The following ASTN2 variants were observed in gnomAD, a reference collection of about 807,000 sequenced individuals.
The protein encoded by ASTN2 is astrotactin 2, also known as astrotactin-2.
In ASTN2, 54 loss-of-function variants were observed where a neutral mutation model predicts 139.8. The ratio of observed to expected loss-of-function variants is 0.39; its 90% CI spans 0.31 to 0.48. ASTN2 has a LOEUF of 0.48. ASTN2 is among the 20% of genes least tolerant of loss of function. ASTN2 has a pLI of 0.95. For missense variants in ASTN2, 1,565 were observed against 1,725.1 expected, an observed-to-expected ratio of 0.91 and a Z score of 1.64; for synonymous variants, 756 against 719.5, an observed-to-expected ratio of 1.05 and a Z score of -0.81.
intron 13 of ASTN2, among the ~76,000 whole-genome samples, chr9:116,739,145 G>A (rs959966783): frequency 2.6e-5 from 4 of 152,150 alleles, no homozygotes; most frequent in South Asian, 2.1e-4. Flanking sequence ...GGGCCCCGGG[G>A]ACTCTGGCAG....
chr9:116,513,314 T>C (rs1002673420), intron 19 of ASTN2, among the ~76,000 whole-genome samples: 1 of 152,224 alleles, frequency 6.6e-6, no homozygotes, highest in African/African-American at 2.4e-5. Flanking sequence ...TATTTAAGAA[T>C]GTTGAATATT....
intron 12 of ASTN2, among the ~76,000 whole-genome samples, chr9:116,815,816 A>AAAAAAAAAAAAAG (rs1831309203): frequency 7.1e-6 from 1 of 140,982 alleles, no homozygotes; most frequent in Admixed American, 6.9e-5. Context: ...AAAAAAAAAA[A>AAAAAAAAAAAAAG]AAAAAAAAAA....
chr9:116,837,385 T>C (rs1469865411), intron 11 of ASTN2, among the ~76,000 whole-genome samples: 1 of 152,070 alleles, frequency 6.6e-6, no homozygotes, highest in Non-Finnish European at 1.5e-5. Flanking sequence ...TGAGCCCAAG[T>C]CTCTGAGCCT....
Position 116,698,113 on chromosome 9 carries a change from G to A in ASTN2, c.2806+27658C>T, listed in dbSNP as rs750797541. On this transcript the variant is annotated intron_variant, in intron 16 of 22. Transcript: ENST00000313400. This position sits in a 1 kb window ranked among gnomAD's most constrained non-coding sequence, Gnocchi z 4.4. ...GGTTTGGTGTTATGTGAGCCCTGCC[G>A]GGAGGCAGACCATCAGCCTCCTGGC... is the stretch of plus-strand genomic sequence containing the variant. 13 of 1,613,980 alleles carry A rather than the reference G, an allele frequency of 8.1e-6. No homozygotes were observed. Among genetic ancestry groups the A allele is most frequent in the South Asian group, 4.4e-5 (4 of 91,084 alleles).
chr9:117,353,704 A>G (rs1169030006), intron 1 of ASTN2, among the ~76,000 whole-genome samples: 2 of 152,108 alleles, frequency 1.3e-5, no homozygotes, highest in Non-Finnish European at 2.9e-5. Flanking sequence ...CATCCATTAC[A>G]TGGAGTAACA....
At chr9:117,208,231 GAAGA>G (rs775625194) in intron 3 of ASTN2, among the ~76,000 whole-genome samples, 1 of 152,014 alleles carries the variant, frequency 6.6e-6, no homozygotes, top group Non-Finnish European at 1.5e-5. Flanking sequence ...AGGTATAAGA[GAAGA>G]AAGATAGTCA....
intron 4 of ASTN2, among the ~76,000 whole-genome samples, chr9:117,116,954 G>A (rs1304736857): frequency 1.3e-5 from 2 of 151,056 alleles, no homozygotes; most frequent in East Asian, 3.9e-4. Context: ...CTTTATGCTT[G>A]GGAGATGACA....
At chr9:116,757,137 C>A (rs1829554182) in intron 13 of ASTN2, among the ~76,000 whole-genome samples, 2 of 152,272 alleles carry the variant, frequency 1.3e-5, no homozygotes, top group Non-Finnish European at 2.9e-5. Flanking sequence ...GATAAGAGGA[C>A]TCCAAGCAGG....
At chr9:117,349,017 T>C (rs1430053004) in intron 1 of ASTN2, among the ~76,000 whole-genome samples, 2 of 152,114 alleles carry the variant, frequency 1.3e-5, no homozygotes, top group Non-Finnish European at 2.9e-5. Flanking sequence ...TTTTATGGAT[T>C]TATTGAGTGG....
At chr9:116,640,225 T>C (rs1857263229) in intron 17 of ASTN2, among the ~76,000 whole-genome samples, 1 of 152,126 alleles carries the variant, frequency 6.6e-6, no homozygotes, top group African/African-American at 2.4e-5. Context: ...TAGGGTTGGG[T>C]TGGATGCTTC....
intron 16 of ASTN2, among the ~76,000 whole-genome samples, chr9:116,685,377 A>G (rs2132033329): frequency 6.6e-6 from 1 of 152,290 alleles, no homozygotes; most frequent in South Asian, 2.1e-4. Flanking sequence ...AGTAATCATA[A>G]AACTCCAGTC....
At chr9:116,877,060 C>A (rs1412573568) in intron 10 of ASTN2, among the ~76,000 whole-genome samples, 1 of 152,192 alleles carries the variant, frequency 6.6e-6, no homozygotes, top group Non-Finnish European at 1.5e-5. Flanking sequence ...TAAACCAAAC[C>A]TATCCCCTCC....
intron 2 of ASTN2, among the ~76,000 whole-genome samples, chr9:117,262,312 A>G (rs1564113557): frequency 1.3e-5 from 2 of 152,190 alleles, no homozygotes; most frequent in African/African-American, 2.4e-5. Flanking sequence ...AAGGATATGG[A>G]AAAACACTTT....
intron 17 of ASTN2, among the ~76,000 whole-genome samples, chr9:116,628,079 G>A (rs1856552724): frequency 6.6e-6 from 1 of 152,176 alleles, no homozygotes; most frequent in Admixed American, 6.5e-5. Flanking sequence ...TATTAAAAAT[G>A]TTATTCACAC....
intron 5 of ASTN2, among the ~76,000 whole-genome samples, chr9:117,065,054 G>A (rs893687910): frequency 6.6e-6 from 1 of 152,132 alleles, no homozygotes; most frequent in Non-Finnish European, 1.5e-5. Context: ...AATGATTGGT[G>A]TCCTTATAAG....
At chr9:116,909,537 G>A (rs1192967928) in intron 10 of ASTN2, among the ~76,000 whole-genome samples, 1 of 152,182 alleles carries the variant, frequency 6.6e-6, no homozygotes. Flanking sequence ...CGTTTGAGAT[G>A]TCCATTAGCT....
intron 1 of ASTN2, among the ~76,000 whole-genome samples, chr9:117,323,994 T>C (rs980593363): frequency 6.6e-6 from 1 of 152,144 alleles, no homozygotes; most frequent in Admixed American, 6.6e-5. Flanking sequence ...AAGACATATG[T>C]AGTCAGTCAT....
intron 10 of ASTN2, among the ~76,000 whole-genome samples, chr9:116,954,698 T>C (rs190743484): frequency 1.2e-4 from 18 of 152,146 alleles, no homozygotes; most frequent in Admixed American, 1.0e-3. Context: ...AATTGGCTCA[T>C]GGGATATAGT....
chr9:117,259,460 A>G (rs1833770774), intron 2 of ASTN2, among the ~76,000 whole-genome samples: 1 of 152,174 alleles, frequency 6.6e-6, no homozygotes, highest in Non-Finnish European at 1.5e-5. Context: ...GAATTTGGGA[A>G]AAACCAACCA....
Sources: allele counts gnomAD v4.1 joint callset (sites outside exome capture counted in the v4.1 genomes callset), GRCh38; gene constraint gnomAD v4.1.1; non-coding constraint Gnocchi (gnomAD v3.1); transcripts MANE v1.5; gene names NCBI Gene and HGNC (gene_info 2026-07-23, HGNC 2026-07-21).